The following LTBP1 variants were observed in gnomAD, a reference collection of about 807,000 sequenced individuals.
LTBP1 encodes latent-transforming growth factor beta-binding protein 1.
A neutral mutation model predicts 207.6 loss-of-function variants in LTBP1; 129 were observed. The ratio of observed to expected loss-of-function variants is 0.62; its 90% confidence interval spans 0.54 to 0.72. LTBP1 has a LOEUF of 0.72. Among genes scored for constraint, LTBP1 ranks in the 30% least tolerant of loss-of-function variants. LTBP1 has a pLI of 0.00. For missense variants in LTBP1, 2,281 were observed against 2,217.2 expected, an observed-to-expected ratio of 1.03 and a Z score of -0.58; for synonymous variants, 963 against 833.7, an observed-to-expected ratio of 1.16 and a Z score of -2.67.
In LTBP1 at chr2:33,319,355, G is replaced by A. The variant is rs138029137; in HGVS notation, c.3730+4086G>A. Among the ~76,000 whole-genome samples the A allele has an allele frequency of 1.9e-3, 294 of 151,094 alleles. 2 individuals carry two copies. Among genetic ancestry groups the A allele is most frequent in the African/African-American group, 6.6e-3 (272 of 41,132 alleles). Reference sequence around the variant, plus strand: ...AGAGGTTGTAGTGAGCCGAGATTGCGCCATTGCACTCCAGCCTGGGCAACA... The same window carrying A: ...AGAGGTTGTAGTGAGCCGAGATTGCACCATTGCACTCCAGCCTGGGCAACA... On this transcript the variant is annotated intron_variant, in intron 24 of 33. Transcript: ENST00000404816.
At chr2:33,395,475 A>T (rs1012567093) in intron 32 of LTBP1, among the ~76,000 whole-genome samples, 1 of 152,180 alleles carries the variant, frequency 6.6e-6, no homozygotes, top group African/African-American at 2.4e-5. Context: ...CAAACAGATA[A>T]TTTAAGATTC....
chr2:33,272,608 C>T (rs901725785), intron 15 of LTBP1, among the ~76,000 whole-genome samples: 1 of 152,162 alleles, frequency 6.6e-6, no homozygotes, highest in African/African-American at 2.4e-5. Flanking sequence ...CATTCTCATA[C>T]TTTGAAGTTG....
At chr2:33,151,885 GTTTC>G (rs2083565373) in intron 5 of LTBP1, among the ~76,000 whole-genome samples, 1 of 142,198 alleles carries the variant, frequency 7.0e-6, no homozygotes, top group African/African-American at 2.6e-5. Flanking sequence ...GTGTATCACA[GTTTC>G]TTTATCCACT....
intron 4 of LTBP1, among the ~76,000 whole-genome samples, chr2:33,127,285 C>T (rs2081487857): frequency 6.6e-6 from 1 of 152,002 alleles, no homozygotes. Flanking sequence ...AAGTCATTTC[C>T]TTCACTATGT....
At chr2:33,395,550 G>C (rs2095350970) in intron 32 of LTBP1, among the ~76,000 whole-genome samples, 1 of 152,110 alleles carries the variant, frequency 6.6e-6, no homozygotes. Context: ...ATGCTCTAAA[G>C]TTTCTTCTTC....
At chr2:33,151,262 T>A (rs567620447) in intron 5 of LTBP1, among the ~76,000 whole-genome samples, 71 of 152,298 alleles carry the variant, frequency 4.7e-4, no homozygotes, top group African/African-American at 1.7e-3. Flanking sequence ...TTGGTGCATA[T>A]ACCTAGAAGT....
At chr2:33,057,013 C>A (rs185583231) in intron 3 of LTBP1, among the ~76,000 whole-genome samples, 1 of 152,162 alleles carries the variant, frequency 6.6e-6, no homozygotes, top group Non-Finnish European at 1.5e-5. Flanking sequence ...AAGTTCTCCA[C>A]GTCCCCACTA....
chr2:33,144,347 G>T (rs1558699083), intron 5 of LTBP1, among the ~76,000 whole-genome samples: 1 of 152,080 alleles, frequency 6.6e-6, no homozygotes, highest in Non-Finnish European at 1.5e-5. Context: ...ATAATATCAG[G>T]CTTCAATATC....
intron 22 of LTBP1, among the ~76,000 whole-genome samples, chr2:33,308,128 C>A (rs1179415568): frequency 6.6e-6 from 1 of 152,178 alleles, no homozygotes; most frequent in African/African-American, 2.4e-5. Context: ...TTGCTAATAA[C>A]TTAAATCCTC....
At chr2:33,168,333 T>C (rs2085106685) in intron 5 of LTBP1, among the ~76,000 whole-genome samples, 1 of 146,330 alleles carries the variant, frequency 6.8e-6, no homozygotes, top group African/African-American at 2.5e-5. Context: ...CAGTGAACTA[T>C]GATGATGCCA....
chr2:33,357,907 A>G (rs990527749), intron 26 of LTBP1, among the ~76,000 whole-genome samples: 1 of 152,164 alleles, frequency 6.6e-6, no homozygotes, highest in Admixed American at 6.5e-5. Context: ...TTAGTTTCCA[A>G]TATAGAAACC....
chr2:33,119,012 C>G (rs1285143770), intron 4 of LTBP1, among the ~76,000 whole-genome samples: 1 of 152,092 alleles, frequency 6.6e-6, no homozygotes, highest in Admixed American at 6.5e-5. Flanking sequence ...GTTTAAATTC[C>G]TCGATGAGCA....
intron 23 of LTBP1, 118 bp from the exon 24 acceptor site, chr2:33,315,026 T>G: frequency 1.3e-6 from 1 of 775,388 alleles, no homozygotes; most frequent in Non-Finnish European, 2.0e-6. Context: ...ATGGTATAGT[T>G]GTTCCACTAA....
intron 24 of LTBP1, among the ~76,000 whole-genome samples, chr2:33,335,006 G>A (rs1022961920): frequency 6.6e-6 from 1 of 151,904 alleles, no homozygotes; most frequent in Non-Finnish European, 1.5e-5. Flanking sequence ...TTGAGCCTAG[G>A]AAGTTGAGGC....
intron 5 of LTBP1, among the ~76,000 whole-genome samples, chr2:33,171,902 A>C (rs2085494660): frequency 1.3e-5 from 2 of 152,222 alleles, no homozygotes; most frequent in African/African-American, 4.8e-5. Context: ...ATATCCAGCC[A>C]AACTAAGCTT....
chr2:32,978,666 A>ATTT (rs375742867), intron 2 of LTBP1, among the ~76,000 whole-genome samples: 35 of 115,668 alleles, frequency 3.0e-4, no homozygotes, highest in Non-Finnish European at 5.7e-4. Context: ...TTTTTTTTTA[A>ATTT]TTTTTTTTTT....
chr2:33,280,831 G>T (rs764851189), intron 19 of LTBP1, among the ~76,000 whole-genome samples: 1 of 152,150 alleles, frequency 6.6e-6, no homozygotes, highest in Non-Finnish European at 1.5e-5. Flanking sequence ...AACTTTGGAA[G>T]GCCGAGGCAC....
intron 2 of LTBP1, among the ~76,000 whole-genome samples, chr2:33,001,915 G>A (rs1686099802): frequency 7.4e-6 from 1 of 134,866 alleles, no homozygotes; most frequent in Non-Finnish European, 1.6e-5. Context: ...CATCTTTGTA[G>A]AGATTTCCAT....
chr2:33,263,262 A>G, intron 14 of LTBP1, 32 bp from the exon 15 acceptor site: 1 of 1,392,892 alleles, frequency 7.2e-7, no homozygotes, highest in Non-Finnish European at 1.0e-6. Context: ...ACGGGCTTTA[A>G]TTTTCTTTTT....
Sources: allele counts gnomAD v4.1 joint callset (sites outside exome capture counted in the v4.1 genomes callset), GRCh38; gene constraint gnomAD v4.1.1; transcripts MANE v1.5; gene names NCBI Gene and HGNC (gene_info 2026-07-23, HGNC 2026-07-21).